GLG1: variants seen among roughly 807,000 people sequenced by gnomAD.
GLG1 encodes golgi glycoprotein 1.
GLG1 carries 38 observed loss-of-function variants against 160.5 expected under a neutral mutation model. The observed-to-expected ratio is 0.24, with a 90% CI of 0.18 to 0.31. GLG1 has a LOEUF of 0.31. Among genes scored for constraint, GLG1 ranks in the 10% least tolerant of loss-of-function variants. The probability of loss-of-function intolerance (pLI) is 1.00; values close to 1 mark genes in which losing one functional copy is unlikely to be tolerated. For synonymous variants in GLG1, 644 were observed against 543.4 expected, an observed-to-expected ratio of 1.19 and a Z score of -2.57; for missense variants, 1,373 against 1,505.2, an observed-to-expected ratio of 0.91 and a Z score of 1.45.
intron 1 of GLG1, among the ~76,000 whole-genome samples, chr16:74,534,574 T>A (rs1444500667): frequency 1.3e-5 from 2 of 152,018 alleles, no homozygotes; most frequent in Non-Finnish European, 2.9e-5. Flanking sequence ...AAATGTATTG[T>A]CATGTTTAGA....
chr16:74,581,865 T>C (rs1232823250), intron 1 of GLG1, among the ~76,000 whole-genome samples: 2 of 152,280 alleles, frequency 1.3e-5, no homozygotes, highest in South Asian at 4.1e-4. Flanking sequence ...TGAGTCGAGA[T>C]AGCGTTACTG....
intron 19 of GLG1, 80 bp downstream of exon 19, chr16:74,465,596 C>A: frequency 7.0e-7 from 1 of 1,419,082 alleles, no homozygotes; most frequent in Non-Finnish European, 9.8e-7. Flanking sequence ...GAAAGCTGAG[C>A]CTGAGGAAGT....
chr16:74,463,058 G>A (rs1021425491), intron 20 of GLG1: 8 of 459,776 alleles, frequency 1.7e-5, no homozygotes, highest in Non-Finnish European at 3.1e-5. Context: ...ACATTCTCCT[G>A]GCACACTCAT....
chr16:74,564,911 A>G (rs1215857290), intron 1 of GLG1, among the ~76,000 whole-genome samples: 1 of 152,202 alleles, frequency 6.6e-6, no homozygotes, highest in Admixed American at 6.5e-5. Context: ...TCTAATCCCT[A>G]CAGAAAACTA....
At chr16:74,457,484 G>A (rs796998226) in intron 24 of GLG1, among the ~76,000 whole-genome samples, 12 of 152,220 alleles carry the variant, frequency 7.9e-5, no homozygotes, top group African/African-American at 1.7e-4. Context: ...ACTTGCCTTG[G>A]CTCCCTCCTC....
chr16:74,521,209 TAGG>T (rs955399648), intron 2 of GLG1, among the ~76,000 whole-genome samples: 35 of 152,126 alleles, frequency 2.3e-4, no homozygotes, highest in Admixed American at 2.3e-3. Flanking sequence ...GCAACGGTCG[TAGG>T]AGAAGAGGTC....
intron 1 of GLG1, among the ~76,000 whole-genome samples, chr16:74,542,718 GAAGGAAGGA>G (rs1567513857): frequency 1.9e-5 from 1 of 51,460 alleles, no homozygotes; most frequent in East Asian, 6.9e-4. Context: ...GGGAAGAAGG[GAAGGAAGGA>G]AGGAAGGGAG....
At chr16:74,569,599 C>T (rs2018763844) in intron 1 of GLG1, among the ~76,000 whole-genome samples, 1 of 152,142 alleles carries the variant, frequency 6.6e-6, no homozygotes, top group Non-Finnish European at 1.5e-5. Flanking sequence ...CAGTGGCTCA[C>T]ACTTGTAATC....
chr16:74,552,434 C>G, intron 1 of GLG1: 2 of 541,048 alleles, frequency 3.7e-6, no homozygotes, highest in South Asian at 3.1e-5. Flanking sequence ...CATGAAGGAA[C>G]GGTTTGTCTG....
At chr16:74,603,984 T>TA (rs780147517) in intron 1 of GLG1, among the ~76,000 whole-genome samples, 1,555 of 138,390 alleles carry the variant, frequency 0.011, 14 homozygotes, top group African/African-American at 0.03. Flanking sequence ...CCGAGAGCGT[T>TA]AAAAAAAAAA....
chr16:74,570,472 A>C (rs183646137), intron 1 of GLG1, among the ~76,000 whole-genome samples: 1 of 152,242 alleles, frequency 6.6e-6, no homozygotes. Context: ...AAAAAAATGC[A>C]CTGAAAGAAA....
chr16:74,503,955 T>C (rs1360115832), intron 3 of GLG1, among the ~76,000 whole-genome samples: 1 of 152,246 alleles, frequency 6.6e-6, no homozygotes, highest in Non-Finnish European at 1.5e-5. Context: ...CTACTCAGAC[T>C]GTTGTGCCTT....
At chr16:74,498,160 C>G (rs1398638050) in intron 4 of GLG1, among the ~76,000 whole-genome samples, 3 of 151,672 alleles carry the variant, frequency 2.0e-5, no homozygotes, top group South Asian at 4.2e-4. Context: ...TAGCCCGGCA[C>G]GATGGCTCAT....
intron 13 of GLG1, 92 bp downstream of exon 13, chr16:74,474,454 C>T: frequency 1.3e-6 from 1 of 746,080 alleles, no homozygotes; most frequent in Non-Finnish European, 2.5e-6. Context: ...AAAATCTGCA[C>T]TCTCAGGAGT....
intron 3 of GLG1, among the ~76,000 whole-genome samples, chr16:74,508,554 G>C (rs957331950): frequency 2.6e-5 from 4 of 152,112 alleles, no homozygotes; most frequent in African/African-American, 9.7e-5. Context: ...ACAGCATGTT[G>C]TCCAATGTGT....
intron 1 of GLG1, among the ~76,000 whole-genome samples, chr16:74,561,302 T>C (rs1367872189): frequency 3.3e-5 from 5 of 152,264 alleles, no homozygotes; most frequent in Admixed American, 2.0e-4. Flanking sequence ...ATTATGTCTT[T>C]AACCATGATC....
At chr16:74,544,367 G>A (rs1398068870) in intron 1 of GLG1, among the ~76,000 whole-genome samples, 1 of 152,198 alleles carries the variant, frequency 6.6e-6, no homozygotes, top group Non-Finnish European at 1.5e-5. Context: ...AGGCTGGACT[G>A]CAATGGCACA....
rs2014195246 is a variant in GLG1 at position 74,449,298 on chromosome 16, C to G, written c.*3869G>C. On this transcript the variant is annotated 3_prime_UTR_variant, in exon 26 of 26. Transcript: ENST00000422840. ...CAGTGGCCTCTCCCCAGATGACTCA[C>G]TATAGTAGGAACTTCGGGGCAGAAG... 9 of 152,132 alleles carry G rather than the reference C, an allele frequency of 5.9e-5. No homozygotes were observed. The highest frequency in any genetic ancestry group is 5.9e-4 in the Admixed American group (9 of 15,258). 9.4% of individuals were successfully genotyped at this position (152,132 alleles called of 1,614,324 possible). A position where few individuals can be genotyped will look rare whatever the true frequency, so the allele number is the denominator to read the frequency against.
rs2017785643 is a variant in GLG1 at position 74,539,890 on chromosome 16, T to C, written c.439-7737A>G. Among the ~76,000 whole-genome samples, 3 of 140,888 alleles carry C rather than the reference T, an allele frequency of 2.1e-5. No homozygotes were observed. The South Asian group carries it at 6.8e-4, about 32-fold the overall frequency. 92.4% of individuals were successfully genotyped at this position (140,888 alleles called of 152,430 possible). On this transcript the variant is annotated intron_variant, in intron 1 of 25. Transcript: ENST00000422840. The stretch of plus-strand genomic sequence containing the variant: ...GTGGAAACACTCAAATTAGTATAAT[T>C]TCTCATCTTCTATGCCCAAAGCAGG...
Sources: allele counts gnomAD v4.1 joint callset (sites outside exome capture counted in the v4.1 genomes callset), GRCh38; gene constraint gnomAD v4.1.1; transcripts MANE v1.5; gene names NCBI Gene and HGNC (gene_info 2026-07-23, HGNC 2026-07-21).